Variants in LRRC49 observed in about 807,000 individuals in gnomAD.
The protein encoded by LRRC49 is leucine-rich repeat-containing protein 49.
A neutral mutation model predicts 83.3 loss-of-function variants in LRRC49; 50 were observed. That is an observed-to-expected ratio of 0.60 (90% confidence interval 0.48 to 0.76). The LOEUF (loss-of-function observed/expected upper bound fraction) is 0.76, where lower values mean the gene tolerates loss of function less well. LRRC49 is among the 30% of genes least tolerant of loss of function. The pLI, the probability that LRRC49 is intolerant of heterozygous loss-of-function variation, is 0.00. For synonymous variants in LRRC49, 286 were observed against 283.3 expected (o/e 1.01, Z -0.10); for missense variants, 704 against 809.1 (o/e 0.87, Z 1.58).
At chr15:70,976,694 C>T (rs531330392) in intron 9 of LRRC49, among the ~76,000 whole-genome samples, 1 of 152,116 alleles carries the variant, frequency 6.6e-6, no homozygotes, top group South Asian at 2.1e-4. Context: ...CCAGATTCCC[C>T]CCCCAACTTA....
chr15:70,893,514 CTT>C (rs3840844), intron 1 of LRRC49, 68 bp from the exon 2 acceptor site: 343,061 of 797,216 alleles, frequency 0.43, 65,978 homozygotes, highest in East Asian at 0.59. Flanking sequence ...CTGTTTGTAC[CTT>C]TTTTTTTTTT....
chr15:70,864,862 A>G (rs970197681), intron 1 of LRRC49, among the ~76,000 whole-genome samples: 1 of 152,176 alleles, frequency 6.6e-6, no homozygotes, highest in African/African-American at 2.4e-5. Flanking sequence ...TTCATCAGTC[A>G]TCTGTGTATC....
chr15:70,877,153 T>A (rs868237149), intron 2 of LRRC49, among the ~76,000 whole-genome samples: 2 of 152,222 alleles, frequency 1.3e-5, no homozygotes, highest in East Asian at 1.9e-4. Context: ...AAGCCTACCT[T>A]AAGAAACTAC....
intron 1 of LRRC49, among the ~76,000 whole-genome samples, chr15:70,860,765 A>G (rs1040029678): frequency 1.3e-5 from 2 of 152,206 alleles, no homozygotes; most frequent in African/African-American, 4.8e-5. Context: ...TTGTCCATTA[A>G]TATTTATTCT....
chr15:70,999,297 C>T (rs1195921087), intron 11 of LRRC49, among the ~76,000 whole-genome samples: 5 of 151,932 alleles, frequency 3.3e-5, no homozygotes, highest in East Asian at 1.9e-4. Flanking sequence ...GATCATTCTT[C>T]CCCCCTAGGG....
upstream of LRRC49, chr15:70,891,757 G>A (rs2033580224): frequency 4.1e-6 from 5 of 1,225,274 alleles, no homozygotes; most frequent in South Asian, 6.4e-5. Flanking sequence ...CTTTCGAGAT[G>A]AGGTGCCTTT....
intron 8 of LRRC49, among the ~76,000 whole-genome samples, chr15:70,949,734 G>A (rs1460468179): frequency 1.3e-5 from 2 of 152,132 alleles, no homozygotes; most frequent in South Asian, 2.1e-4. Context: ...TGAATACAGT[G>A]TAGTACTTGG....
Position 71,018,572 on chromosome 15 carries a change from G to A in LRRC49, c.1703+5659G>A, listed in dbSNP as rs143649681. Among the ~76,000 whole-genome samples the A allele has an allele frequency of 2.2e-3, 335 of 152,296 alleles. 1 individual carries two copies. The highest frequency in any genetic ancestry group is 2.5e-3 in the Admixed American group (39 of 15,296). On this transcript the variant is annotated intron_variant, in intron 14 of 15. Coordinates refer to ENST00000260382, the MANE Select transcript of LRRC49 (RefSeq NM_017691.5). ...AGGTAGACACAAAGCTCTTAGAACCGAACTTACTTTTCCTGCTCTTACACA... is the reference window on the plus strand; with the variant it reads ...AGGTAGACACAAAGCTCTTAGAACCAAACTTACTTTTCCTGCTCTTACACA...
chr15:71,024,178 G>C (rs919739308), intron 14 of LRRC49, among the ~76,000 whole-genome samples: 2 of 152,254 alleles, frequency 1.3e-5, no homozygotes, highest in African/African-American at 4.8e-5. Context: ...TCTTTCTCCT[G>C]CTGGCTCTGA....
At chr15:70,938,151 A>AG (rs2035667621) in intron 8 of LRRC49, among the ~76,000 whole-genome samples, 1 of 152,110 alleles carries the variant, frequency 6.6e-6, no homozygotes, top group South Asian at 2.1e-4. Context: ...TTGGTTATAT[A>AG]GGGGTTATGA....
At chr15:70,859,471 C>T in intron 1 of LRRC49, 1 of 704,968 alleles carries the variant, frequency 1.4e-6, no homozygotes, top group East Asian at 2.9e-5. Flanking sequence ...ACAGCTACTT[C>T]CTGGACACGG....
At chr15:70,893,168 C>G (rs1297331432) in intron 1 of LRRC49, 1 of 608,560 alleles carries the variant, frequency 1.6e-6, no homozygotes, top group East Asian at 2.7e-5. Flanking sequence ...GAAGGTGGAG[C>G]TGGTCTGCTG....
intron 14 of LRRC49, among the ~76,000 whole-genome samples, chr15:71,031,610 A>C (rs774175208): frequency 6.6e-6 from 1 of 152,192 alleles, no homozygotes; most frequent in African/African-American, 2.4e-5. Context: ...AGCTGTGCCC[A>C]TAGCCACCCC....
chr15:70,935,046 C>T (rs1328107518), intron 7 of LRRC49, among the ~76,000 whole-genome samples: 1 of 152,154 alleles, frequency 6.6e-6, no homozygotes, highest in South Asian at 2.1e-4. Context: ...ATGGGAATAT[C>T]AGAGAGAAGT....
intron 11 of LRRC49, among the ~76,000 whole-genome samples, chr15:70,988,871 T>G (rs926100137): frequency 1.3e-4 from 20 of 152,010 alleles, no homozygotes; most frequent in African/African-American, 2.9e-4. Context: ...GTCTGTAAAG[T>G]ATTTTATTTC....
At chr15:70,861,847 C>A (rs2032797972) in intron 1 of LRRC49, among the ~76,000 whole-genome samples, 1 of 152,078 alleles carries the variant, frequency 6.6e-6, no homozygotes, top group Admixed American at 6.5e-5. Context: ...ATTGCTTGAA[C>A]CCAGAAGGTG....
upstream of LRRC49, chr15:70,892,517 A>G (rs939480553): frequency 1.0e-4 from 153 of 1,521,252 alleles, no homozygotes; most frequent in Non-Finnish European, 1.3e-4. Flanking sequence ...ACACAAGCAG[A>G]GGGATACAAA....
chr15:70,929,555 G>A (rs1005899837), intron 7 of LRRC49, among the ~76,000 whole-genome samples: 2 of 152,096 alleles, frequency 1.3e-5, no homozygotes, highest in African/African-American at 2.4e-5. Context: ...TGGCTGTGGC[G>A]TAAAACTCAG....
At chr15:70,854,263 G>A (rs940533464) in intron 1 of LRRC49, 69 of 238,976 alleles carry the variant, frequency 2.9e-4, no homozygotes, top group Non-Finnish European at 3.8e-4. Flanking sequence ...CGCCGCCGCC[G>A]CCACCACCCC....
Sources: gnomAD v4.1 joint callset for allele counts (sites outside exome capture counted in the v4.1 genomes callset) on GRCh38, gnomAD v4.1.1 for gene constraint, MANE v1.5 for transcripts, NCBI Gene and HGNC (gene_info 2026-07-23, HGNC 2026-07-21) for gene names.